Variants in FAM120C observed in about 807,000 individuals in gnomAD.
The protein encoded by FAM120C is family with sequence similarity 120 member C.
Under a neutral mutation model 71.2 loss-of-function variants are expected in FAM120C, and 14 were observed. That is an observed-to-expected ratio of 0.20 (90% CI 0.13 to 0.31). The LOEUF (loss-of-function observed/expected upper bound fraction) is 0.31. Among genes scored for constraint, FAM120C ranks in the 10% least tolerant of loss-of-function variants. The pLI is 1.00. For synonymous variants in FAM120C, 354 were observed against 353.2 expected (o/e 1.00, Z -0.03); for missense variants, 500 against 879.0 (o/e 0.57, Z 5.45).
chrX:54,109,614 A>C (rs1030159633), intron 10 of FAM120C, among the ~76,000 whole-genome samples: 1 of 106,142 alleles, frequency 9.4e-6, no homozygotes, highest in Non-Finnish European at 1.9e-5. Context: ...GACCCTGGCT[A>C]TAAAAAAAAA....
At chrX:54,169,386 G>C (rs782203112) in intron 1 of FAM120C, among the ~76,000 whole-genome samples, 1 of 111,933 alleles carries the variant, frequency 8.9e-6, no homozygotes, top group African/African-American at 3.2e-5. Flanking sequence ...CAACTCACAA[G>C]TAATACAATA....
At chrX:54,125,987 C>A (rs1432910440) in intron 9 of FAM120C, among the ~76,000 whole-genome samples, 5 of 112,286 alleles carry the variant, frequency 4.5e-5, no homozygotes, top group African/African-American at 1.3e-4. Flanking sequence ...AATGGTCTTG[C>A]ACTTTTTTCA....
Position 54,087,946 on chromosome X carries a change from G to A in FAM120C, c.2446C>T (p.Arg816Ter). 1 of 1,208,323 alleles carries A rather than the reference G, an allele frequency of 8.3e-7. No homozygotes were observed. The highest frequency in any genetic ancestry group is 1.1e-6 in the Non-Finnish European group (1 of 893,347). ...QELKIEKLDA[R>*]GIQLAALFMS... The stretch of plus-strand genomic sequence containing the variant: ...AAGAGGGCAGCAAGCTGGATCCCTC[G>A]GGCATCCAGTTTCTCAATCTGAAAC... The change falls in exon 12 of 16, where the codon CGA becomes TGA. Residue 816 changes from arginine (R) to a stop codon, truncating the protein, a stop_gained. Coordinates refer to ENST00000375180, the MANE Select transcript of FAM120C (RefSeq NM_017848.6). LOFTEE classifies it high-confidence loss of function.
At chrX:54,160,599 GTA>G (rs782710444) in intron 1 of FAM120C, among the ~76,000 whole-genome samples, 27 of 111,601 alleles carry the variant, frequency 2.4e-4, no homozygotes, top group African/African-American at 8.1e-4. Context: ...GAAATTATCT[GTA>G]TACCGGCTCC....
At chrX:54,178,808 C>A (rs1404675520) in intron 1 of FAM120C, among the ~76,000 whole-genome samples, 1 of 111,904 alleles carries the variant, frequency 8.9e-6, no homozygotes, top group Non-Finnish European at 1.9e-5. Flanking sequence ...TATCTGTTCT[C>A]AAAGTCTGGT....
chrX:54,085,614 G>T, intron 13 of FAM120C, 101 bp downstream of exon 13: 2 of 772,337 alleles, frequency 2.6e-6, no homozygotes, highest in Non-Finnish European at 3.7e-6. Flanking sequence ...AATGAGATGA[G>T]ATATATGTGA....
At chrX:54,095,197 A>G (rs2146569371) in intron 10 of FAM120C, among the ~76,000 whole-genome samples, 1 of 111,810 alleles carries the variant, frequency 8.9e-6, no homozygotes, top group East Asian at 2.8e-4. Context: ...TTCCTTTACA[A>G]TTTGGTAAAG....
At chrX:54,110,926 G>C (rs1167298078) in intron 10 of FAM120C, among the ~76,000 whole-genome samples, 4 of 109,750 alleles carry the variant, frequency 3.6e-5, no homozygotes, top group African/African-American at 1.3e-4. Context: ...CAGGCGTGGT[G>C]GTGGGCCCCT....
chrX:54,087,778 G>C lies in FAM120C; in HGVS notation c.2614C>G (p.Leu872Val). 8.3e-7 allele frequency: 1 copy of C among 1,210,863 alleles called. No homozygotes were observed. Among genetic ancestry groups the C allele is most frequent in the Non-Finnish European group, 1.1e-6 (1 of 895,253 alleles). ...LIKAGRERVS[L>V]VELCDGQADL... ...ACCTGGCCATCACAGAGCTCAACCA[G>C]AGATACTCGCTCTCGGCCTGCTTTA... is the stretch of plus-strand genomic sequence containing the variant. The change falls in exon 12 of 16, where the codon CTG (leucine) becomes GTG (valine). Residue 872 changes from leucine to valine, a missense_variant. Around this residue, in one of 11 missense-constraint regions of FAM120C, gnomAD observed 104 missense variants for 254.5 expected, o/e 0.41. Coordinates refer to ENST00000375180, the MANE Select transcript of FAM120C (RefSeq NM_017848.6).
At chrX:54,151,455 A>C in intron 3 of FAM120C, 82 bp from the exon 4 acceptor site, 9 of 1,029,206 alleles carry the variant, frequency 8.7e-6, no homozygotes, top group Middle Eastern at 6.7e-4. Flanking sequence ...GGAGATATGG[A>C]ATTCACATTT....
At chrX:54,088,109 T>C in intron 11 of FAM120C, 145 bp from the exon 12 acceptor site, 1 of 480,905 alleles carries the variant, frequency 2.1e-6, no homozygotes, top group African/African-American at 2.4e-5. Context: ...AAGCAGCTTC[T>C]ATCCATGTCT....
intron 1 of FAM120C, among the ~76,000 whole-genome samples, chrX:54,167,244 G>A (rs782070476): frequency 1.8e-5 from 2 of 112,084 alleles, no homozygotes; most frequent in Admixed American, 9.5e-5. Flanking sequence ...AACAATGACC[G>A]TCAGAATAGT....
intron 1 of FAM120C, among the ~76,000 whole-genome samples, chrX:54,165,793 A>C (rs1294493113): frequency 1.8e-5 from 2 of 109,232 alleles, no homozygotes; most frequent in African/African-American, 6.8e-5. Flanking sequence ...AATAATAATA[A>C]TAAAAATAAA....
At chrX:54,132,661 A>G in intron 9 of FAM120C, 31 bp downstream of exon 9, 1 of 1,153,900 alleles carries the variant, frequency 8.7e-7, no homozygotes, top group Non-Finnish European at 1.2e-6. Context: ...TCAAGTGCTG[A>G]GAGAATTGTC....
At chrX:54,100,287 G>A (rs1239336420) in intron 10 of FAM120C, among the ~76,000 whole-genome samples, 1 of 110,966 alleles carries the variant, frequency 9.0e-6, no homozygotes, top group African/African-American at 3.3e-5. Flanking sequence ...GTCAGGAGAC[G>A]GAGACCATCC....
chrX:54,146,187 T>C (rs2067154871), intron 4 of FAM120C, among the ~76,000 whole-genome samples: 1 of 110,517 alleles, frequency 9.0e-6, no homozygotes, highest in Non-Finnish European at 1.9e-5. Flanking sequence ...GGGATAGCAT[T>C]AGGAGATATA....
At position 54,074,715 on chromosome X, in the gene FAM120C, A is replaced by G. The variant is rs782469262; in HGVS notation, c.3037-1428T>C. On this transcript the variant is annotated intron_variant, in intron 15 of 15. Transcript: ENST00000375180. Reference sequence around the variant, plus strand: ...ATAGGCGTGAGCCACAGAATCTTTCATAACTAAAAACAATCACCTGGTTTT... The same window carrying G: ...ATAGGCGTGAGCCACAGAATCTTTCGTAACTAAAAACAATCACCTGGTTTT... 5.7e-3 allele frequency among the ~76,000 whole-genome samples: 647 copies of G among 112,868 alleles called. 5 individuals carry two copies. The highest frequency in any genetic ancestry group is 0.02 in the African/African-American group (612 of 31,177).
chrX:54,151,677 T>A (rs936928852), intron 3 of FAM120C, among the ~76,000 whole-genome samples: 11 of 111,651 alleles, frequency 9.9e-5, no homozygotes, highest in African/African-American at 3.3e-4. Flanking sequence ...CTATTAAATG[T>A]AATATTATAA....
intron 15 of FAM120C, among the ~76,000 whole-genome samples, chrX:54,079,185 C>T (rs1557121009): frequency 1.9e-5 from 2 of 104,989 alleles, no homozygotes; most frequent in Admixed American, 1.0e-4. Context: ...TGGTGTGAAC[C>T]CGGGAGGCGG....
Sources: gnomAD v4.1 joint callset for allele counts (sites outside exome capture counted in the v4.1 genomes callset) on GRCh38, gnomAD v4.1.1 for gene constraint, gnomAD v4.1.1 regional missense constraint, MANE v1.5 for transcripts, NCBI Gene and HGNC (gene_info 2026-07-23, HGNC 2026-07-21) for gene names.